The following DMD variants were observed in gnomAD, a reference collection of about 807,000 sequenced individuals.
DMD encodes mutant dystrophin.
Under a neutral mutation model 330.1 loss-of-function variants are expected in DMD, and 63 were observed. The ratio of observed to expected loss-of-function variants is 0.19; its 90% confidence interval spans 0.16 to 0.24. The LOEUF (loss-of-function observed/expected upper bound fraction) is 0.24, where lower values mean the gene tolerates loss of function less well. Ranked by LOEUF, DMD falls within the 10% of genes least tolerant of loss-of-function variation. The pLI is 1.00. For synonymous variants in DMD, 1,223 were observed against 959.8 expected (o/e 1.27, Z -5.07); for missense variants, 3,344 against 2,684.1 (o/e 1.25, Z -5.43).
intron 43 of DMD, among the ~76,000 whole-genome samples, chrX:32,279,673 T>TC (rs1557260828): frequency 2.2e-5 from 2 of 92,107 alleles, no homozygotes; most frequent in East Asian, 6.9e-4. Flanking sequence ...TGAAGGGTAG[T>TC]GGGGGGGTTG....
chrX:33,293,221 G>T (rs1188953387), intron 1 of DMD, among the ~76,000 whole-genome samples: 1 of 111,160 alleles, frequency 9.0e-6, no homozygotes, highest in Non-Finnish European at 1.9e-5. Flanking sequence ...TAGTACCTTG[G>T]CTATAGCAGG....
intron 9 of DMD, among the ~76,000 whole-genome samples, chrX:32,676,584 C>T (rs185455675): frequency 1.5e-3 from 167 of 110,717 alleles, no homozygotes; most frequent in Non-Finnish European, 2.8e-4. Flanking sequence ...ATTGTGTTAG[C>T]GGGATTGTGG....
At chrX:31,373,659 G>A (rs954621839) in intron 60 of DMD, among the ~76,000 whole-genome samples, 21 of 110,024 alleles carry the variant, frequency 1.9e-4, no homozygotes, top group Admixed American at 6.8e-4. Flanking sequence ...CACCTTATAC[G>A]AAAATTAATT....
chrX:31,641,742 C>T (rs2079777220), intron 54 of DMD, among the ~76,000 whole-genome samples: 1 of 111,272 alleles, frequency 9.0e-6, no homozygotes, highest in South Asian at 3.7e-4. Context: ...TCTTATAGTA[C>T]AGTTACATAC....
chrX:32,559,698 C>T (rs1461856907), intron 16 of DMD, among the ~76,000 whole-genome samples: 1 of 111,602 alleles, frequency 9.0e-6, no homozygotes, highest in African/African-American at 3.3e-5. Flanking sequence ...AAGAAATTTT[C>T]ATCTTGGTAC....
At chrX:32,252,885 TATAAATATATATAAATATATAC>T (rs2097280991) in intron 43 of DMD, among the ~76,000 whole-genome samples, 1 of 79,661 alleles carries the variant, frequency 1.3e-5, no homozygotes, top group Non-Finnish European at 2.2e-5. Flanking sequence ...TAAAAATATA[TATAAATATATATAAATATATAC>T]ATAAATATAT....
At chrX:33,003,336 A>G (rs1441211508) in intron 2 of DMD, among the ~76,000 whole-genome samples, 2 of 111,973 alleles carry the variant, frequency 1.8e-5, no homozygotes. Flanking sequence ...TCATTCCTGT[A>G]CTTCCCTTTC....
chrX:32,337,520 T>C lies in DMD; in HGVS notation c.5922+4580A>G, dbSNP rs185471760. 9.5e-3 allele frequency among the ~76,000 whole-genome samples: 1,054 copies of C among 110,406 alleles called. 14 individuals carry two copies. The highest frequency in any genetic ancestry group is 0.034 in the African/African-American group (1,023 of 30,404). ...TCACTGAAGTGGGCTTTTTTTTGTA[T>C]TTTTTTGCTGCTGTTCTTGGAAAGG... On this transcript the variant is annotated intron_variant, in intron 41 of 78. Coordinates refer to ENST00000357033, the MANE Select transcript of DMD (RefSeq NM_004006.3).
chrX:31,745,382 G>T (rs1330088170), intron 51 of DMD, among the ~76,000 whole-genome samples: 3 of 111,389 alleles, frequency 2.7e-5, no homozygotes, highest in Non-Finnish European at 5.7e-5. Flanking sequence ...TGAAGGCCAT[G>T]GGAAATCATC....
intron 7 of DMD, among the ~76,000 whole-genome samples, chrX:32,713,004 A>T (rs992948838): frequency 9.0e-6 from 1 of 111,521 alleles, no homozygotes; most frequent in Non-Finnish European, 1.9e-5. Flanking sequence ...TAGAGACATG[A>T]AATGTCACCC....
chrX:31,275,638 A>T (rs2052048563), intron 62 of DMD, among the ~76,000 whole-genome samples: 1 of 111,031 alleles, frequency 9.0e-6, no homozygotes, highest in Non-Finnish European at 1.9e-5. Flanking sequence ...GGGAAGAAAC[A>T]AGGGTGGAAA....
chrX:32,625,089 T>C (rs1205651102), intron 11 of DMD, among the ~76,000 whole-genome samples: 5 of 111,929 alleles, frequency 4.5e-5, no homozygotes. Flanking sequence ...GACAATTGCT[T>C]GAACCCGGGA....
chrX:32,075,520 A>G (rs1187338356), intron 44 of DMD, among the ~76,000 whole-genome samples: 1 of 111,992 alleles, frequency 8.9e-6, no homozygotes, highest in Admixed American at 9.5e-5. Context: ...ATGTGAAGTT[A>G]TTACAACTGT....
At chrX:31,624,522 C>T (rs1475318786) in intron 55 of DMD, among the ~76,000 whole-genome samples, 2 of 112,094 alleles carry the variant, frequency 1.8e-5, no homozygotes, top group Non-Finnish European at 3.8e-5. Flanking sequence ...GAGCTGGAGT[C>T]TCCATATATA....
At chrX:32,279,949 C>A (rs868635623) in intron 43 of DMD, among the ~76,000 whole-genome samples, 2 of 47,625 alleles carry the variant, frequency 4.2e-5, no homozygotes, top group South Asian at 2.1e-3. Context: ...CATATATACA[C>A]ATATATATGT....
chrX:31,654,333 C>T (rs2080645558), intron 54 of DMD, among the ~76,000 whole-genome samples: 1 of 111,891 alleles, frequency 8.9e-6, no homozygotes, highest in South Asian at 3.7e-4. Context: ...AAAATGGTGT[C>T]TAACCTGAAC....
chrX:32,122,712 A>G (rs1019743635), intron 44 of DMD, among the ~76,000 whole-genome samples: 3 of 111,338 alleles, frequency 2.7e-5, no homozygotes, highest in Non-Finnish European at 5.6e-5. Context: ...TTCTGAATAA[A>G]TAAACTGCAC....
At chrX:32,246,685 G>A (rs760725740) in intron 43 of DMD, among the ~76,000 whole-genome samples, 255 of 100,761 alleles carry the variant, frequency 2.5e-3, no homozygotes, top group African/African-American at 8.3e-3. Context: ...TCCTGGTTTA[G>A]TCTTGGGAGA....
intron 11 of DMD, among the ~76,000 whole-genome samples, chrX:32,641,139 G>T (rs2059419265): frequency 9.0e-6 from 1 of 110,932 alleles, no homozygotes; most frequent in African/African-American, 3.3e-5. Flanking sequence ...AACCTTCAAA[G>T]TCTTACCTGG....
Sources: allele counts gnomAD v4.1 joint callset (sites outside exome capture counted in the v4.1 genomes callset), GRCh38; gene constraint gnomAD v4.1.1; transcripts MANE v1.5; gene names NCBI Gene and HGNC (gene_info 2026-07-23, HGNC 2026-07-21).